Variants in BRPF3 observed in about 807,000 individuals in gnomAD.
BRPF3 encodes bromodomain and PHD finger-containing protein 3.
A neutral mutation model predicts 102.0 loss-of-function variants in BRPF3; 18 were observed. That is an observed-to-expected ratio of 0.18 (90% CI 0.12 to 0.26). The LOEUF is 0.26. Among genes scored for constraint, BRPF3 ranks in the 10% least tolerant of loss-of-function variants. The pLI is 1.00. For missense variants in BRPF3, 1,147 were observed against 1,567.8 expected (o/e 0.73, Z 4.53); for synonymous variants, 570 against 614.2 (o/e 0.93, Z 1.06).
intron 2 of BRPF3, among the ~76,000 whole-genome samples, chr6:36,203,137 A>G (rs1264966530): frequency 1.3e-5 from 2 of 152,156 alleles, no homozygotes; most frequent in Non-Finnish European, 2.9e-5. Context: ...GTTGACATAT[A>G]TGTTGTTCTA....
chr6:36,200,867 A>G lies in BRPF3; in HGVS notation c.545A>G (p.Asp182Gly). Residue 182 changes from aspartate to glycine, a missense_variant, in exon 2 of 13, where the codon GAT (aspartate) becomes GGT (glycine). By Grantham distance (94) the Asp-to-Gly change is moderately conservative. Coordinates refer to ENST00000357641, the MANE Select transcript of BRPF3 (RefSeq NM_015695.3). The surrounding 1 kb of genome is among the most constrained non-coding windows in gnomAD (Gnocchi z 5.3). ...RVDGHSLVSADTFELLVDRLE... is the reference protein window; with the variant it reads ...RVDGHSLVSAGTFELLVDRLE... ...GATGGGCACAGTTTGGTGTCTGCAG[A>G]TACCTTTGAGCTGCTGGTAGACCGG... The G allele has an allele frequency of 6.2e-7, 1 of 1,614,204 alleles. No homozygotes were observed. Among genetic ancestry groups the G allele is most frequent in the Non-Finnish European group, 8.5e-7 (1 of 1,180,028 alleles).
chr6:36,197,606 G>A (rs943765175), intron 1 of BRPF3: 2 of 151,392 alleles, frequency 1.3e-5, no homozygotes, highest in Non-Finnish European at 2.9e-5. Flanking sequence ...CTCATTCTTC[G>A]GGGACCTGGA....
chr6:36,221,281 C>CTTTTTTTT (rs35018880), intron 9 of BRPF3, among the ~76,000 whole-genome samples: 5 of 76,728 alleles, frequency 6.5e-5, no homozygotes, highest in Admixed American at 1.7e-4. Flanking sequence ...AATTGGTCTA[C>CTTTTTTTT]TTTTTTTTTT....
At chr6:36,219,122 G>C (rs947106561) in intron 9 of BRPF3, among the ~76,000 whole-genome samples, 11 of 152,246 alleles carry the variant, frequency 7.2e-5, no homozygotes, top group African/African-American at 1.9e-4. Context: ...GTGCTTCCAA[G>C]GCAGACTGGG....
rs188884155 is a variant in BRPF3, at chr6:36,206,837, C to G, written c.1606-476C>G. On this transcript the variant is annotated intron_variant, in intron 3 of 12. Transcript: ENST00000357641. ...CTAATATGCCCTTGTGCTTCAAGCT[C>G]TAGGTCTCTTCCCTTCCCCTGACTC... Among the ~76,000 whole-genome samples, 4 of 152,300 alleles carry G rather than the reference C, an allele frequency of 2.6e-5. No homozygotes were observed. The East Asian group carries it at 5.8e-4, about 22-fold the overall frequency.
rs962517510 is a variant in BRPF3 at position 36,214,248 on chromosome 6, G to A, written c.2851G>A (p.Gly951Ser). The part of the protein sequence containing the change: ...QRSPDRVLEN[G>S]EDHGVAGSPA... ...AAGCCCAGACAGGGTCCTGGAGAAT[G>A]GCGAGGACCATGGTGTGGCAGGCTC... is the stretch of plus-strand genomic sequence containing the variant. Residue 951 changes from glycine to serine, a missense_variant, in exon 8 of 13, where the codon GGC (glycine) becomes AGC (serine). Around this residue, in one of 11 missense-constraint regions of BRPF3, gnomAD observed 379 missense variants for 426.3 expected, o/e 0.89. Transcript: ENST00000357641. The A allele has an allele frequency of 9.9e-6, 16 of 1,614,086 alleles. No individual in the cohort carries two copies. The African/African-American group carries it at 2.0e-4, about 20-fold the overall frequency.
At chr6:36,198,018 G>A (rs948963882) in intron 1 of BRPF3, among the ~76,000 whole-genome samples, 7 of 152,088 alleles carry the variant, frequency 4.6e-5, no homozygotes, top group Non-Finnish European at 1.0e-4. Context: ...ACCTCTTCTA[G>A]GGCCTCGGTG....
In BRPF3 at chr6:36,232,673, G is replaced by A. The variant is rs1285995653; in HGVS notation, c.*2064G>A. ...GTTTATAACAGATGGTATAAGAGAG[G>A]TAATAAACAGAGAAAAATCTATGCT... On this transcript the variant is annotated 3_prime_UTR_variant, in exon 13 of 13. Coordinates refer to ENST00000357641, the MANE Select transcript of BRPF3 (RefSeq NM_015695.3). 1 of 152,584 alleles carries A rather than the reference G, an allele frequency of 6.6e-6. No homozygotes were observed. The highest frequency in any genetic ancestry group is 1.5e-5 in the Non-Finnish European group (1 of 68,032). 9.5% of individuals were successfully genotyped at this position (152,584 alleles called of 1,614,324 possible).
intron 7 of BRPF3, among the ~76,000 whole-genome samples, chr6:36,212,303 G>T (rs1311182263): frequency 6.6e-6 from 1 of 152,182 alleles, no homozygotes; most frequent in Non-Finnish European, 1.5e-5. Context: ...CGAGCCTATA[G>T]CTTGGGAGGG....
chr6:36,201,166 A>T lies in BRPF3; in HGVS notation c.844A>T (p.Thr282Ser). Residue 282 changes from threonine (T) to serine (S), a missense_variant, in exon 2 of 13, where the codon ACC becomes TCC. Around this residue, in one of 11 missense-constraint regions of BRPF3, gnomAD observed 221 missense variants for 337.1 expected, o/e 0.66. Coordinates refer to ENST00000357641, the MANE Select transcript of BRPF3 (RefSeq NM_015695.3). The surrounding 1 kb of genome is among the most constrained non-coding windows in gnomAD (Gnocchi z 5.1). ...CAATAAGGGTGGCGCCTTCAAACAG[A>T]CCAGTGATGGGCACTGGGCCCATGT... is the stretch of plus-strand genomic sequence containing the variant. The part of the protein sequence containing the change: ...CPNKGGAFKQ[T>S]SDGHWAHVVC... The T allele has an allele frequency of 6.2e-7, 1 of 1,613,992 alleles. No homozygotes were observed. The highest frequency in any genetic ancestry group is 8.5e-7 in the Non-Finnish European group (1 of 1,179,978).
intron 10 of BRPF3, among the ~76,000 whole-genome samples, chr6:36,224,836 G>T (rs1242197103): frequency 6.6e-6 from 1 of 152,174 alleles, no homozygotes; most frequent in Non-Finnish European, 1.5e-5. Context: ...GCCAAAAATG[G>T]TTTTTACATT....
Position 36,204,955 on chromosome 6 carries a change from A to G in BRPF3, c.1605+141A>G, listed in dbSNP as rs955920070. ...CCTGTCTGGGTGGCCTATCCCAGGA[A>G]CAACCCCCAGCACTACAGAGATCTT... On this transcript the variant is annotated intron_variant, in intron 3 of 12. Transcript: ENST00000357641. 135 of 1,078,584 alleles carry G rather than the reference A, an allele frequency of 1.3e-4. 1 individual carries two copies. The African/African-American group carries it at 1.7e-3, about 14-fold the overall frequency. The allele number at this position is 1,078,584 out of a possible 1,614,324, so 66.8% of individuals were successfully genotyped here.
In BRPF3 at chr6:36,196,897, C is replaced by T. The variant is rs1359776815; in HGVS notation, c.-100C>T. On this transcript the variant is annotated 5_prime_UTR_variant, in exon 1 of 13. Transcript: ENST00000357641. The stretch of plus-strand genomic sequence containing the variant: ...GAAGACCGCGCTCCGCTTCCCGGGC[C>T]GCGCCGACCTGCTCGGCGGCCTGCC... 6.6e-6 allele frequency: 1 copy of T among 151,722 alleles called. No homozygotes were observed. Among genetic ancestry groups the T allele is most frequent in the East Asian group, 2.0e-4 (1 of 5,090 alleles). The allele number at this position is 151,722 out of a possible 1,614,324, so 9.4% of individuals were successfully genotyped here. A position where few individuals can be genotyped will look rare whatever the true frequency, so the allele number is the denominator to read the frequency against.
chr6:36,219,195 T>A (rs1768440526), intron 9 of BRPF3, among the ~76,000 whole-genome samples: 1 of 151,986 alleles, frequency 6.6e-6, no homozygotes. Flanking sequence ...GCTGAGGGGG[T>A]CCCCAGCTAC....
chr6:36,216,570 G>A (rs577989491), intron 8 of BRPF3, among the ~76,000 whole-genome samples: 1 of 152,356 alleles, frequency 6.6e-6, no homozygotes, highest in South Asian at 2.1e-4. Flanking sequence ...TAGAGGCAGA[G>A]CCAGGTCAGA....
chr6:36,209,548 A>G (rs1768020457), intron 4 of BRPF3, among the ~76,000 whole-genome samples: 1 of 152,234 alleles, frequency 6.6e-6, no homozygotes, highest in Admixed American at 6.5e-5. Context: ...GATAATTATT[A>G]TTGTTACTGT....
chr6:36,202,185 C>T (rs186322000), intron 2 of BRPF3, among the ~76,000 whole-genome samples: 40 of 152,126 alleles, frequency 2.6e-4, no homozygotes, highest in African/African-American at 9.7e-4. Context: ...CAAACTCAAA[C>T]CCTCCTCATG....
chr6:36,223,224 C>A (rs1768612516), intron 10 of BRPF3, among the ~76,000 whole-genome samples: 1 of 152,202 alleles, frequency 6.6e-6, no homozygotes, highest in Admixed American at 6.5e-5. Flanking sequence ...GCTTCTCTTC[C>A]TTCGTTCCTT....
In BRPF3 at chr6:36,200,210, T is replaced by C; in HGVS notation, c.-26-87T>C. On this transcript the variant is annotated intron_variant, in intron 1 of 12. Transcript: ENST00000357641. This position sits in a 1 kb window ranked among gnomAD's most constrained non-coding sequence, Gnocchi z 5.3. Reference sequence around the variant, plus strand: ...TTGTTCAGACAGAGGGAAAAGCCAGTCCTCTTGGTGGATGCTTGATCATAT... The same window carrying C: ...TTGTTCAGACAGAGGGAAAAGCCAGCCCTCTTGGTGGATGCTTGATCATAT... 1 of 1,418,724 alleles carries C rather than the reference T, an allele frequency of 7.0e-7. No individual in the cohort carries two copies. The allele number at this position is 1,418,724 out of a possible 1,614,324, so 87.9% of individuals were successfully genotyped here.
Sources: allele counts gnomAD v4.1 joint callset (sites outside exome capture counted in the v4.1 genomes callset), GRCh38; gene constraint gnomAD v4.1.1; regional missense constraint gnomAD v4.1.1; non-coding constraint Gnocchi (gnomAD v3.1); transcripts MANE v1.5; gene names NCBI Gene and HGNC (gene_info 2026-07-23, HGNC 2026-07-21).